The following GRHL2 variants were observed in gnomAD, a reference collection of about 807,000 sequenced individuals.
GRHL2 encodes the protein grainyhead-like protein 2 homolog.
In GRHL2, 21 loss-of-function variants were observed where a neutral mutation model predicts 83.8. That is an observed-to-expected ratio of 0.25 (90% CI 0.18 to 0.36). The LOEUF is 0.36. Among genes scored for constraint, GRHL2 ranks in the 10% least tolerant of loss-of-function variants. The pLI, the probability that GRHL2 is intolerant of heterozygous loss-of-function variation, is 1.00. For synonymous variants in GRHL2, 280 were observed against 278.9 expected (o/e 1.00, Z -0.04); for missense variants, 623 against 781.8 (o/e 0.80, Z 2.42).
intron 2 of GRHL2, among the ~76,000 whole-genome samples, chr8:101,546,569 C>T (rs996872878): frequency 5.3e-5 from 8 of 151,974 alleles, no homozygotes; most frequent in African/African-American, 1.7e-4. Flanking sequence ...TCACCGCAAC[C>T]GGCTAATTTT....
intron 13 of GRHL2, among the ~76,000 whole-genome samples, chr8:101,646,632 CCAAG>C (rs1171943145): frequency 1.3e-5 from 2 of 152,166 alleles, no homozygotes; most frequent in Admixed American, 1.3e-4. Flanking sequence ...TAGAAGTTCT[CCAAG>C]AGAGAGAATG....
At chr8:101,628,513 CACA>C (rs768689666) in intron 9 of GRHL2, among the ~76,000 whole-genome samples, 1 of 152,078 alleles carries the variant, frequency 6.6e-6, no homozygotes, top group Admixed American at 6.6e-5. Context: ...TGCCTGCTAA[CACA>C]ACAACATCCA....
intron 1 of GRHL2, among the ~76,000 whole-genome samples, chr8:101,528,459 A>C (rs537436196): frequency 4.4e-4 from 67 of 151,982 alleles, no homozygotes; most frequent in African/African-American, 1.6e-3. Context: ...CAAGCAAAAA[A>C]TCAAAAACAA....
Position 101,643,474 on chromosome 8 carries a change from A to T in GRHL2, c.1518-657A>T, listed in dbSNP as rs191310342. Among the ~76,000 whole-genome samples, 555 of 151,756 alleles carry T rather than the reference A, an allele frequency of 3.7e-3. 1 individual carries two copies. Among genetic ancestry groups the T allele is most frequent in the South Asian group, 0.017 (83 of 4,790 alleles). ...GAGGAAATGCAGAAACATCAGAACC[A>T]GCCGAGCTGGGGACATGCAAGGCCT... is the stretch of plus-strand genomic sequence containing the variant. On this transcript the variant is annotated intron_variant, in intron 12 of 15. Coordinates refer to ENST00000646743, the MANE Select transcript of GRHL2 (RefSeq NM_024915.4).
the GRHL2 span, among the ~76,000 whole-genome samples, chr8:101,677,932 C>G: frequency 6.6e-6 from 1 of 152,260 alleles, no homozygotes; most frequent in African/African-American, 2.4e-5. Flanking sequence ...ATGCAATAAT[C>G]TGTCTTAGGT....
chr8:101,527,546 T>C (rs924348686), intron 1 of GRHL2, among the ~76,000 whole-genome samples: 1 of 152,138 alleles, frequency 6.6e-6, no homozygotes, highest in Non-Finnish European at 1.5e-5. Context: ...TCTCAGGTGT[T>C]TTATTTTAGT....
chr8:101,540,625 T>A (rs535532963), intron 1 of GRHL2, among the ~76,000 whole-genome samples: 1 of 152,142 alleles, frequency 6.6e-6, no homozygotes, highest in African/African-American at 2.4e-5. Context: ...AGTGTCTTTT[T>A]TTCTGACCTG....
intron 4 of GRHL2, among the ~76,000 whole-genome samples, chr8:101,568,007 C>A (rs1195675917): frequency 6.6e-6 from 1 of 152,162 alleles, no homozygotes; most frequent in Admixed American, 6.5e-5. Flanking sequence ...CCCTCCTACT[C>A]CAAAATTTTC....
At chr8:101,618,016 T>C (rs1226944500) in intron 8 of GRHL2, among the ~76,000 whole-genome samples, 2 of 152,222 alleles carry the variant, frequency 1.3e-5, no homozygotes, top group African/African-American at 4.8e-5. Flanking sequence ...ATGAATAGTT[T>C]AACATTTTAT....
intron 2 of GRHL2, among the ~76,000 whole-genome samples, chr8:101,550,732 G>A (rs1811363002): frequency 6.6e-6 from 1 of 152,168 alleles, no homozygotes; most frequent in Admixed American, 6.5e-5. Context: ...TTCCCAAACA[G>A]AAAACTCTGT....
At chr8:101,563,994 G>A (rs539471474) in intron 4 of GRHL2, among the ~76,000 whole-genome samples, 2 of 152,172 alleles carry the variant, frequency 1.3e-5, no homozygotes, top group African/African-American at 2.4e-5. Context: ...CTATTTGGGG[G>A]ATGTGTTATC....
intron 9 of GRHL2, among the ~76,000 whole-genome samples, chr8:101,630,967 G>A (rs1284508875): frequency 1.3e-5 from 2 of 152,056 alleles, no homozygotes; most frequent in Non-Finnish European, 2.9e-5. Context: ...TTGGCAAGAG[G>A]TGCCCATGAA....
chr8:101,660,090 A>C (rs1277852163), intron 14 of GRHL2, among the ~76,000 whole-genome samples: 1 of 152,206 alleles, frequency 6.6e-6, no homozygotes, highest in Non-Finnish European at 1.5e-5. Flanking sequence ...CAAGGTTTTC[A>C]AGTGAATCTC....
chr8:101,640,997 G>T (rs902707542), intron 12 of GRHL2, among the ~76,000 whole-genome samples: 3 of 152,142 alleles, frequency 2.0e-5, no homozygotes, highest in African/African-American at 7.2e-5. Context: ...TAACATTTTA[G>T]CAGGAAACAG....
At chr8:101,506,943 C>T (rs1251850152) in intron 1 of GRHL2, among the ~76,000 whole-genome samples, 1 of 151,880 alleles carries the variant, frequency 6.6e-6, no homozygotes, top group African/African-American at 2.4e-5. Flanking sequence ...TTTACCCTGG[C>T]TACTACCTAT....
At chr8:101,678,500 T>TG in the GRHL2 span, among the ~76,000 whole-genome samples, 1 of 151,706 alleles carries the variant, frequency 6.6e-6, no homozygotes. Flanking sequence ...GCAGCGAGGC[T>TG]GGGGAGGGGC....
chr8:101,499,713 C>T (rs1161412156), intron 1 of GRHL2, among the ~76,000 whole-genome samples: 1 of 152,044 alleles, frequency 6.6e-6, no homozygotes, highest in African/African-American at 2.4e-5. Flanking sequence ...ACTCATGATC[C>T]CTGGCATTCA....
Position 101,624,572 on chromosome 8 carries a change from CAGT to C in GRHL2, c.1257+4878_1257+4880del, listed in dbSNP as rs569624818. Among the ~76,000 whole-genome samples the C allele has an allele frequency of 2.3e-3, 345 of 151,492 alleles. 1 individual carries two copies. The highest frequency in any genetic ancestry group is 7.9e-3 in the African/African-American group (327 of 41,218). On this transcript the variant is annotated intron_variant, in intron 9 of 15. Transcript: ENST00000646743. Reference sequence around the variant, plus strand: ...GGACAGTACACAGTAGGACAGTACACAGTAGAACAGTTCACAGTACACAGTAGG... The same window carrying C: ...GGACAGTACACAGTAGGACAGTACACAGAACAGTTCACAGTACACAGTAGG...
rs78341429 is a variant in GRHL2, at chr8:101,639,875, C to T, written c.1517+2947C>T. Among the ~76,000 whole-genome samples, 971 of 152,350 alleles carry T rather than the reference C, an allele frequency of 6.4e-3. 7 individuals are homozygous for T. The highest frequency in any genetic ancestry group is 0.022 in the African/African-American group (934 of 41,580). The stretch of plus-strand genomic sequence containing the variant: ...CCTCTCCCTGCCACGTTGATTAATA[C>T]TCACATAAATTAATGCTCACATTAG... On this transcript the variant is annotated intron_variant, in intron 12 of 15. Coordinates refer to ENST00000646743, the MANE Select transcript of GRHL2 (RefSeq NM_024915.4).
Sources: allele counts gnomAD v4.1 joint callset (sites outside exome capture counted in the v4.1 genomes callset), GRCh38; gene constraint gnomAD v4.1.1; transcripts MANE v1.5; gene names NCBI Gene and HGNC (gene_info 2026-07-23, HGNC 2026-07-21).